Variants in PCDHA2 observed in about 807,000 individuals in gnomAD.
The protein encoded by PCDHA2 is protocadherin alpha 2.
A neutral mutation model predicts 66.0 loss-of-function variants in PCDHA2; 58 were observed. That is an observed-to-expected ratio of 0.88 (90% CI 0.71 to 1.09). The LOEUF (loss-of-function observed/expected upper bound fraction) is 1.09. Ranked by LOEUF, PCDHA2 falls within the 50% of genes least tolerant of loss-of-function variation. The pLI, the probability that PCDHA2 is intolerant of heterozygous loss-of-function variation, is 0.00. For missense variants in PCDHA2, 1,267 were observed against 1,242.3 expected, an observed-to-expected ratio of 1.02 and a Z score of -0.30; for synonymous variants, 634 against 554.0, an observed-to-expected ratio of 1.14 and a Z score of -2.03.
At chr5:140,809,237 G>A (rs1465518164) in intron 1 of PCDHA2, 14 of 1,614,100 alleles carry the variant, frequency 8.7e-6, no homozygotes, top group Non-Finnish European at 1.2e-5. Flanking sequence ...ACGGGCGTTG[G>A]TGGGCGCTGT....
rs1765206283 is a variant in PCDHA2 at position 140,812,969 on chromosome 5, A to AT, written c.2388+15620dup. 2.0e-5 allele frequency: 3 copies of AT among 152,158 alleles called. No individual in the cohort carries two copies. The South Asian group carries it at 6.2e-4, about 32-fold the overall frequency. The allele number at this position is 152,158 out of a possible 1,614,324, so 9.4% of individuals were successfully genotyped here. A position where few individuals can be genotyped will look rare whatever the true frequency, so the allele number is the denominator to read the frequency against. ...TTTTCCAGTTTTAATTCCAGTATTG[A>AT]TTTCTAGTTTTATTCCACTGTGGTC... On this transcript the variant is annotated intron_variant, in intron 1 of 3. Coordinates refer to ENST00000526136, the MANE Select transcript of PCDHA2 (RefSeq NM_018905.3).
At position 140,796,271 on chromosome 5, in the gene PCDHA2, G is replaced by A. The variant is rs200076458; in HGVS notation, c.1307G>A (p.Trp436Ter). Residue 436 changes from tryptophan (W) to a stop codon, truncating the protein, a stop_gained, in exon 1 of 4, where the codon TGG (tryptophan) becomes TAG (stop). Coordinates refer to ENST00000526136, the MANE Select transcript of PCDHA2 (RefSeq NM_018905.3). LOFTEE classifies it high-confidence loss of function. ...TARDGGSPSLWATTSVSIEVA... is the reference protein window; with the variant it reads ...TARDGGSPSL Reference sequence around the variant, plus strand: ...CGGGACGGGGGCTCGCCTTCACTGTGGGCCACCACCAGCGTGTCCATCGAG... The same window carrying A: ...CGGGACGGGGGCTCGCCTTCACTGTAGGCCACCACCAGCGTGTCCATCGAG... 1,202 of 1,614,126 alleles carry A rather than the reference G, an allele frequency of 7.4e-4. 18 individuals carry two copies. The South Asian group carries it at 0.012, about 16-fold the overall frequency.
rs782673935 is a variant in PCDHA2 at position 140,857,328 on chromosome 5, G to A, written c.2388+59976G>A. ...GCCTATGAGCTGGTGGTGACCGCGC[G>A]GGACGGGGGCTCGCCTCCGCTGTGG... is the stretch of plus-strand genomic sequence containing the variant. On this transcript the variant is annotated intron_variant, in intron 1 of 3. Transcript: ENST00000526136. 7.5e-6 allele frequency: 12 copies of A among 1,598,502 alleles called. 1 individual carries two copies. The highest frequency in any genetic ancestry group is 1.3e-5 in the African/African-American group (1 of 74,410).
chr5:140,804,311 TTAATACTACTTTAA>T (rs1397795365), intron 1 of PCDHA2: 3 of 152,106 alleles, frequency 2.0e-5, no homozygotes, highest in African/African-American at 7.2e-5. Context: ...ACTACTTTAT[TTAATACTACTTTAA>T]TAATACTACT....
intron 1 of PCDHA2, chr5:140,884,505 G>A: frequency 6.2e-7 from 1 of 1,614,170 alleles, no homozygotes. Context: ...AGCGCGGCAG[G>A]GAGTTGGTCG....
intron 1 of PCDHA2, among the ~76,000 whole-genome samples, chr5:140,941,255 C>CTTTCTTTCTT (rs782490896): frequency 0.012 from 539 of 44,464 alleles, 5 homozygotes; most frequent in Middle Eastern, 0.036. Context: ...TTCTTTCTTT[C>CTTTCTTTCTT]TCTTTCTTTC....
At chr5:140,948,860 T>C (rs2094315023) in intron 1 of PCDHA2, among the ~76,000 whole-genome samples, 2 of 151,640 alleles carry the variant, frequency 1.3e-5, no homozygotes, top group Non-Finnish European at 3.0e-5. Flanking sequence ...CTTCTTATAT[T>C]ACTTCGGGTT....
chr5:141,002,675 A>G (rs782045638), intron 3 of PCDHA2, among the ~76,000 whole-genome samples: 5 of 152,222 alleles, frequency 3.3e-5, no homozygotes, highest in African/African-American at 4.8e-5. Context: ...ACCAAAACCT[A>G]TACGACGTGC....
At chr5:140,958,139 A>T (rs1196467618) in intron 1 of PCDHA2, among the ~76,000 whole-genome samples, 2 of 152,112 alleles carry the variant, frequency 1.3e-5, no homozygotes, top group African/African-American at 2.4e-5. Context: ...CAGTGTGTAT[A>T]TTTATATAGC....
intron 1 of PCDHA2, chr5:140,877,508 C>T (rs892674985): frequency 2.5e-6 from 4 of 1,613,808 alleles, no homozygotes; most frequent in Non-Finnish European, 2.5e-6. Context: ...CCAAAGACGT[C>T]GTCGCGGGCC....
chr5:140,823,684 G>T (rs1554129546), intron 1 of PCDHA2: 1 of 1,613,918 alleles, frequency 6.2e-7, no homozygotes, highest in Non-Finnish European at 8.5e-7. Flanking sequence ...ACGCTCTCTG[G>T]ATGAGACCGA....
In PCDHA2 at chr5:140,795,615, G is replaced by T; in HGVS notation, c.651G>T (p.Gly217=). 6.2e-7 allele frequency: 1 copy of T among 1,614,138 alleles called. No homozygotes were observed. Among genetic ancestry groups the T allele is most frequent in the Non-Finnish European group, 8.5e-7 (1 of 1,180,022 alleles). ...EVNLLLVATD[G]GKPELTGTVQ... ...ATTTGTTACTGGTGGCTACTGATGG[G>T]GGCAAACCTGAGCTCACGGGCACCG... Residue 217 remains glycine (G), a synonymous_variant, in exon 1 of 4, where the codon GGG becomes GGT. Coordinates refer to ENST00000526136, the MANE Select transcript of PCDHA2 (RefSeq NM_018905.3).
Position 140,967,464 on chromosome 5 carries a change from G to A in PCDHA2, c.2389-11485G>A, listed in dbSNP as rs781900904. The A allele has an allele frequency of 1.9e-6, 3 of 1,613,386 alleles. No individual in the cohort carries two copies. In the East Asian group the frequency reaches 6.7e-5, roughly 36 times the overall value. ...CTGGTTCTCACAGCCGTGGATGGGG[G>A]CATCCCAGCCCGCTCGGGTACGGCA... On this transcript the variant is annotated intron_variant, in intron 1 of 3. Coordinates refer to ENST00000526136, the MANE Select transcript of PCDHA2 (RefSeq NM_018905.3).
At chr5:140,999,554 G>T (rs2097862771) in intron 3 of PCDHA2, among the ~76,000 whole-genome samples, 1 of 152,158 alleles carries the variant, frequency 6.6e-6, no homozygotes, top group Non-Finnish European at 1.5e-5. Context: ...TGAAGAGGGG[G>T]TATTTTGAGA....
intron 1 of PCDHA2, among the ~76,000 whole-genome samples, chr5:140,950,241 G>T (rs191139851): frequency 2.0e-5 from 3 of 152,014 alleles, no homozygotes; most frequent in African/African-American, 4.8e-5. Flanking sequence ...CCATTAATTT[G>T]TTCCTAAAGA....
chr5:140,829,877 G>T lies in PCDHA2; in HGVS notation c.2388+32525G>T, dbSNP rs2150176821. The T allele has an allele frequency of 1.5e-5, 25 of 1,613,956 alleles. No individual in the cohort carries two copies. In the South Asian group the frequency reaches 2.5e-4, roughly 16 times the overall value. ...AGGCCAAGTGGTGGCGAAGGTGCGC[G>T]CAGTTGACGCCGACTCAGGCTACAA... On this transcript the variant is annotated intron_variant, in intron 1 of 3. Transcript: ENST00000526136.
chr5:140,831,212 T>C (rs1173379795), intron 1 of PCDHA2: 1 of 152,260 alleles, frequency 6.6e-6, no homozygotes, highest in Non-Finnish European at 1.5e-5. Context: ...AGTAAATTTA[T>C]ATGAAAACTG....
intron 3 of PCDHA2, among the ~76,000 whole-genome samples, chr5:141,004,019 A>G (rs2098147783): frequency 6.6e-6 from 1 of 152,244 alleles, no homozygotes; most frequent in South Asian, 2.1e-4. Flanking sequence ...CACTGAAAGA[A>G]GAAACATTTC....
At chr5:140,954,014 A>T (rs782347890) in intron 1 of PCDHA2, among the ~76,000 whole-genome samples, 1 of 152,038 alleles carries the variant, frequency 6.6e-6, no homozygotes, top group Non-Finnish European at 1.5e-5. Context: ...CAGCTCCCAC[A>T]CATAGTGGGA....
Sources: gnomAD v4.1 joint callset for allele counts (sites outside exome capture counted in the v4.1 genomes callset) on GRCh38, gnomAD v4.1.1 for gene constraint, MANE v1.5 for transcripts, NCBI Gene and HGNC (gene_info 2026-07-23, HGNC 2026-07-21) for gene names.